C1orf87: variants seen among roughly 807,000 people sequenced by gnomAD.
C1orf87 encodes the protein chromosome 1 open reading frame 87.
Under a neutral mutation model 60.5 loss-of-function variants are expected in C1orf87, and 58 were observed. The ratio of observed to expected loss-of-function variants is 0.96; its 90% confidence interval spans 0.78 to 1.19. C1orf87 has a LOEUF of 1.19. C1orf87 is among the 50% of genes most tolerant of loss of function. The pLI is 0.00. For synonymous variants in C1orf87, 236 were observed against 227.4 expected (o/e 1.04, Z -0.34); for missense variants, 673 against 638.6 (o/e 1.05, Z -0.58).
At chr1:60,050,672 A>G (rs1645408125) in intron 3 of C1orf87, among the ~76,000 whole-genome samples, 1 of 152,042 alleles carries the variant, frequency 6.6e-6, no homozygotes, top group African/African-American at 2.4e-5. Context: ...CTCCAGGATA[A>G]CATTAAAAGC....
chr1:60,017,322 A>C (rs1218444355), intron 8 of C1orf87, among the ~76,000 whole-genome samples: 2 of 152,150 alleles, frequency 1.3e-5, no homozygotes, highest in African/African-American at 4.8e-5. Flanking sequence ...TGAATCAGAC[A>C]CCTCAGGTTT....
intron 8 of C1orf87, among the ~76,000 whole-genome samples, chr1:60,018,335 A>ATATCC (rs1645137810): frequency 6.6e-6 from 1 of 152,198 alleles, no homozygotes. Context: ...TATGGTTGTG[A>ATATCC]TATCCTTGAA....
At chr1:60,024,805 C>A (rs1398602754) in intron 8 of C1orf87, among the ~76,000 whole-genome samples, 1 of 152,156 alleles carries the variant, frequency 6.6e-6, no homozygotes, top group East Asian at 1.9e-4. Context: ...AGAATCACTG[C>A]TTCATATATT....
intron 2 of C1orf87, among the ~76,000 whole-genome samples, chr1:60,061,388 A>G (rs151289003): frequency 5.3e-5 from 8 of 152,246 alleles, no homozygotes; most frequent in Non-Finnish European, 1.0e-4. Flanking sequence ...AAAATTTCCA[A>G]TTGACAAAAT....
At chr1:60,011,082 A>G (rs1645081627) in intron 8 of C1orf87, 1 of 151,976 alleles carries the variant, frequency 6.6e-6, no homozygotes, top group Admixed American at 6.6e-5. Context: ...AACAGAGAAA[A>G]AACATAGAAG....
At chr1:60,000,887 C>G (rs901083385) in intron 10 of C1orf87, among the ~76,000 whole-genome samples, 190 bp downstream of exon 10, 2 of 151,982 alleles carry the variant, frequency 1.3e-5, no homozygotes, top group Non-Finnish European at 2.9e-5. Context: ...AGGACAGAAA[C>G]TAACCCACAC....
chr1:60,039,480 G>A (rs552889730), intron 5 of C1orf87, among the ~76,000 whole-genome samples: 2 of 151,976 alleles, frequency 1.3e-5, no homozygotes, highest in Non-Finnish European at 2.9e-5. Flanking sequence ...ACATCCTCTG[G>A]GCCTCATTTC....
intron 8 of C1orf87, among the ~76,000 whole-genome samples, chr1:60,024,827 T>C (rs1224768779): frequency 6.6e-6 from 1 of 152,192 alleles, no homozygotes; most frequent in Admixed American, 6.5e-5. Context: ...TGTCCTATTT[T>C]TAGTTGCTTA....
At chr1:60,003,745 G>GTATTATGTTA (rs1645023853) in intron 9 of C1orf87, among the ~76,000 whole-genome samples, 1 of 151,982 alleles carries the variant, frequency 6.6e-6, no homozygotes, top group South Asian at 2.1e-4. Flanking sequence ...AATACTCAAT[G>GTATTATGTTA]AATACATGTT....
rs369410391 is a variant in C1orf87, at chr1:59,990,843, G to A, written c.1481-10C>T. On this transcript the variant is annotated splice_polypyrimidine_tract_variant and intron_variant, in intron 11 of 11. Transcript: ENST00000371201. Reference sequence around the variant, plus strand: ...TCCTTCTCCAGAACTCCTGTGATTGGATTGGGTAGGAGGAAGGTTTTTTAA... The same window carrying A: ...TCCTTCTCCAGAACTCCTGTGATTGAATTGGGTAGGAGGAAGGTTTTTTAA... 1 of 1,613,454 alleles carries A rather than the reference G, an allele frequency of 6.2e-7. No homozygotes were observed. Among genetic ancestry groups the A allele is most frequent in the Non-Finnish European group, 8.5e-7 (1 of 1,179,592 alleles).
At chr1:60,044,600 G>C (rs1645352666) in intron 3 of C1orf87, among the ~76,000 whole-genome samples, 2 of 152,150 alleles carry the variant, frequency 1.3e-5, no homozygotes, top group Non-Finnish European at 2.9e-5. Flanking sequence ...GGAGAATGGG[G>C]AGGAGCTCTT....
In C1orf87 at chr1:60,004,088, A is replaced by G. The variant is rs192024829; in HGVS notation, c.1193-2932T>C. ...GTGAAAGAAAAGCTTTCTGTTTATT[A>G]TAAGAGGTTCAAAATACTCTGAATC... On this transcript the variant is annotated intron_variant, in intron 9 of 11. Coordinates refer to ENST00000371201, the MANE Select transcript of C1orf87 (RefSeq NM_152377.3). Among the ~76,000 whole-genome samples the G allele has an allele frequency of 2.6e-4, 40 of 152,182 alleles. No homozygotes were observed. In the East Asian group the frequency reaches 5.0e-3, roughly 19 times the overall value.
chr1:60,047,057 T>C (rs902446804), intron 3 of C1orf87, among the ~76,000 whole-genome samples: 8 of 152,198 alleles, frequency 5.3e-5, no homozygotes, highest in African/African-American at 1.9e-4. Context: ...ATTGCTTAAT[T>C]CCTTTCGTTT....
At chr1:60,061,417 G>T (rs1195929031) in intron 2 of C1orf87, among the ~76,000 whole-genome samples, 2 of 151,764 alleles carry the variant, frequency 1.3e-5, no homozygotes, top group Admixed American at 1.3e-4. Flanking sequence ...TACCTTTACA[G>T]GCCAATACTT....
chr1:60,001,053 A>G, intron 10 of C1orf87, 24 bp downstream of exon 10: 10 of 1,587,184 alleles, frequency 6.3e-6, no homozygotes, highest in Non-Finnish European at 8.6e-6. Context: ...CTTCCCCCAA[A>G]CTCTATATAC....
intron 8 of C1orf87, among the ~76,000 whole-genome samples, chr1:60,015,196 G>A (rs1458166931): frequency 2.0e-5 from 3 of 152,128 alleles, no homozygotes; most frequent in African/African-American, 4.8e-5. Flanking sequence ...AGGCCGTGGG[G>A]GCAGAGCCCT....
At chr1:60,009,704 A>G (rs182335067) in intron 9 of C1orf87, among the ~76,000 whole-genome samples, 1 of 152,138 alleles carries the variant, frequency 6.6e-6, no homozygotes, top group Admixed American at 6.6e-5. Flanking sequence ...TAAATGGTTG[A>G]TGGATATAGT....
At chr1:60,012,439 G>A (rs999271875) in intron 8 of C1orf87, among the ~76,000 whole-genome samples, 1 of 152,016 alleles carries the variant, frequency 6.6e-6, no homozygotes, top group Non-Finnish European at 1.5e-5. Flanking sequence ...GAATGGTATA[G>A]GACTTACATG....
intron 11 of C1orf87, among the ~76,000 whole-genome samples, chr1:59,995,469 A>T (rs1644957637): frequency 1.3e-5 from 2 of 152,120 alleles, no homozygotes; most frequent in South Asian, 4.2e-4. Flanking sequence ...TAGGTTCTCA[A>T]CTTTACTGTA....
Sources: gnomAD v4.1 joint callset for allele counts (sites outside exome capture counted in the v4.1 genomes callset) on GRCh38, gnomAD v4.1.1 for gene constraint, MANE v1.5 for transcripts, NCBI Gene and HGNC (gene_info 2026-07-23, HGNC 2026-07-21) for gene names.